RIC8B: variants seen among roughly 807,000 people sequenced by gnomAD.
RIC8B encodes chaperone Ric-8B.
Under a neutral mutation model 57.5 loss-of-function variants are expected in RIC8B, and 16 were observed. The observed-to-expected ratio is 0.28, with a 90% CI of 0.19 to 0.42. The LOEUF (loss-of-function observed/expected upper bound fraction) is 0.42, where lower values mean the gene tolerates loss of function less well. Ranked by LOEUF, RIC8B falls within the 10% of genes least tolerant of loss-of-function variation. The pLI, the probability that RIC8B is intolerant of heterozygous loss-of-function variation, is 1.00. For missense variants in RIC8B, 481 were observed against 677.0 expected (o/e 0.71, Z 3.21); for synonymous variants, 216 against 250.8 (o/e 0.86, Z 1.31).
In RIC8B at chr12:106,825,837, T is replaced by C; in HGVS notation, c.836+17T>C. The C allele has an allele frequency of 6.6e-7, 1 of 1,513,712 alleles. No homozygotes were observed. The highest frequency in any genetic ancestry group is 9.2e-7 in the Non-Finnish European group (1 of 1,088,394). 93.8% of individuals were successfully genotyped at this position (1,513,712 alleles called of 1,614,324 possible). ...GCTACACAGGTGGGTAAGCTCTGTA[T>C]TGATATCCCAATGAAGGACATCATC... is the stretch of plus-strand genomic sequence containing the variant. On this transcript the variant is annotated intron_variant, in intron 4 of 9. Coordinates refer to ENST00000392837, the MANE Select transcript of RIC8B (RefSeq NM_001330145.2).
intron 4 of RIC8B, among the ~76,000 whole-genome samples, chr12:106,834,900 C>T (rs574179991): frequency 8.6e-4 from 120 of 139,496 alleles, no homozygotes; most frequent in Middle Eastern, 7.9e-3. Context: ...AGGAGAATGG[C>T]GTGAACCTGG....
At chr12:106,880,403 T>C (rs1950870709) in intron 9 of RIC8B, among the ~76,000 whole-genome samples, 1 of 152,146 alleles carries the variant, frequency 6.6e-6, no homozygotes. Flanking sequence ...CTCTTGAAAT[T>C]AGTATAGAAT....
chr12:106,869,690 A>G (rs1413783559), intron 8 of RIC8B, among the ~76,000 whole-genome samples: 2 of 152,354 alleles, frequency 1.3e-5, no homozygotes, highest in African/African-American at 2.4e-5. Flanking sequence ...CTCTAATCCC[A>G]GCACTTCAGG....
intron 2 of RIC8B, chr12:106,798,130 A>C: frequency 1.6e-6 from 1 of 645,002 alleles, no homozygotes; most frequent in Non-Finnish European, 2.9e-6. Flanking sequence ...GCCTTATAAC[A>C]CTTAGGCATA....
chr12:106,855,684 T>C (rs1416145917), intron 7 of RIC8B, among the ~76,000 whole-genome samples: 6 of 152,186 alleles, frequency 3.9e-5, no homozygotes, highest in African/African-American at 1.4e-4. Flanking sequence ...ATTTGCTAGC[T>C]CCTGTCCTTG....
At chr12:106,826,933 A>G (rs2136336045) in intron 4 of RIC8B, among the ~76,000 whole-genome samples, 1 of 151,900 alleles carries the variant, frequency 6.6e-6, no homozygotes, top group African/African-American at 2.4e-5. Flanking sequence ...AATTAGCTGG[A>G]TGTGGTGGCG....
chr12:106,812,025 G>T (rs913894429), intron 2 of RIC8B, among the ~76,000 whole-genome samples: 2 of 148,512 alleles, frequency 1.3e-5, no homozygotes, highest in Middle Eastern at 3.4e-3. Flanking sequence ...CATTAAATAT[G>T]TCTATTAAAC....
intron 4 of RIC8B, among the ~76,000 whole-genome samples, chr12:106,838,535 CAA>C (rs34383569): frequency 1.4e-4 from 13 of 94,708 alleles, no homozygotes; most frequent in Admixed American, 3.5e-4. Flanking sequence ...AATACCCTGT[CAA>C]AAAAAAAAAA....
intron 2 of RIC8B, among the ~76,000 whole-genome samples, chr12:106,802,110 T>C (rs2044758546): frequency 6.6e-6 from 1 of 152,252 alleles, no homozygotes; most frequent in Non-Finnish European, 1.5e-5. Flanking sequence ...GAGCCTGCCT[T>C]AACTACAAAA....
chr12:106,834,651 T>C (rs890669824), intron 4 of RIC8B, among the ~76,000 whole-genome samples: 24 of 152,150 alleles, frequency 1.6e-4, no homozygotes. Context: ...TTAGTAAAGC[T>C]TAATTTCTTT....
At chr12:106,872,241 C>T (rs1007495560) in intron 9 of RIC8B, among the ~76,000 whole-genome samples, 1 of 152,120 alleles carries the variant, frequency 6.6e-6, no homozygotes, top group Non-Finnish European at 1.5e-5. Context: ...AGAGAAGATA[C>T]CGATAGGGCA....
At chr12:106,799,794 T>C (rs1280433250) in intron 2 of RIC8B, among the ~76,000 whole-genome samples, 5 of 152,320 alleles carry the variant, frequency 3.3e-5, no homozygotes, top group Admixed American at 1.3e-4. Context: ...TTTGAAGACC[T>C]CTAAAATCAC....
chr12:106,867,377 C>G lies in RIC8B; in HGVS notation c.1452-3446C>G, dbSNP rs1950183746. ...AAGATTGGAGTGCTACAAAATGGGA[C>G]AGAGGAGCAGAGACAAGGTGGAGGA... is the stretch of plus-strand genomic sequence containing the variant. On this transcript the variant is annotated intron_variant, in intron 8 of 9. Coordinates refer to ENST00000392837, the MANE Select transcript of RIC8B (RefSeq NM_001330145.2). This position sits in a 1 kb window ranked among gnomAD's most constrained non-coding sequence, Gnocchi z 4.3. Among the ~76,000 whole-genome samples, 1 of 152,126 alleles carries G rather than the reference C, an allele frequency of 6.6e-6. No individual in the cohort carries two copies. The highest frequency in any genetic ancestry group is 2.4e-5 in the African/African-American group (1 of 41,418).
intron 4 of RIC8B, among the ~76,000 whole-genome samples, chr12:106,829,843 G>C (rs901039248): frequency 6.6e-6 from 1 of 152,116 alleles, no homozygotes; most frequent in African/African-American, 2.4e-5. Flanking sequence ...TTGTCTTAAG[G>C]AATAAGAGAA....
rs1359603300 is a variant in RIC8B, at chr12:106,851,589, A to G, written c.1301A>G (p.Glu434Gly). The G allele has an allele frequency of 6.2e-7, 1 of 1,612,028 alleles. No individual in the cohort carries two copies. The highest frequency in any genetic ancestry group is 8.5e-7 in the Non-Finnish European group (1 of 1,179,790). Residue 434 changes from glutamate (E) to glycine (G), a missense_variant, in exon 7 of 10, where the codon GAG becomes GGG. Physicochemically the swap from Glu to Gly is moderately conservative, Grantham distance 98 (BLOSUM62 -2). Around this residue, in one of 3 missense-constraint regions of RIC8B, gnomAD observed 421 missense variants for 560.9 expected, o/e 0.75. Coordinates refer to ENST00000392837, the MANE Select transcript of RIC8B (RefSeq NM_001330145.2). ...AAEFLFVLCKERVDSLLKYTG... is the reference protein window; with the variant it reads ...AAEFLFVLCKGRVDSLLKYTG... ...GAATTCCTTTTTGTCCTTTGCAAAG[A>G]GAGAGGTAGGTTAAACTCTCTTTGC... is the stretch of plus-strand genomic sequence containing the variant.
At chr12:106,824,547 T>C (rs1011506509) in intron 3 of RIC8B, among the ~76,000 whole-genome samples, 8 of 152,176 alleles carry the variant, frequency 5.3e-5, no homozygotes, top group Non-Finnish European at 1.0e-4. Context: ...ATAGGATGTA[T>C]GTGTATAATT....
intron 3 of RIC8B, 24 bp downstream of exon 3, chr12:106,815,328 G>T (rs1192033086): frequency 1.3e-6 from 2 of 1,565,792 alleles, no homozygotes; most frequent in Non-Finnish European, 1.7e-6. Flanking sequence ...GGCTATTTTT[G>T]TCTACCTGGA....
At chr12:106,825,912 A>C in intron 4 of RIC8B, 92 bp downstream of exon 4, 1 of 821,944 alleles carries the variant, frequency 1.2e-6, no homozygotes, top group Non-Finnish European at 2.1e-6. Flanking sequence ...AAGCACAAGA[A>C]AGTGAAAATA....
Position 106,886,157 on chromosome 12 carries a change from A to T in RIC8B, c.*142A>T. On this transcript the variant is annotated 3_prime_UTR_variant, in exon 10 of 10. Transcript: ENST00000392837. ...GGTTTACTCATTGAGAATCCAGCAT[A>T]TTTAAGAGGTGACCCTGTGTTTTTT... 1 of 631,394 alleles carries T rather than the reference A, an allele frequency of 1.6e-6. No individual in the cohort carries two copies. Among genetic ancestry groups the T allele is most frequent in the South Asian group, 2.0e-5 (1 of 49,422 alleles). The allele number at this position is 631,394 out of a possible 1,614,324, so 39.1% of individuals were successfully genotyped here.
Sources: allele counts gnomAD v4.1 joint callset (sites outside exome capture counted in the v4.1 genomes callset), GRCh38; gene constraint gnomAD v4.1.1; regional missense constraint gnomAD v4.1.1; non-coding constraint Gnocchi (gnomAD v3.1); transcripts MANE v1.5; gene names NCBI Gene and HGNC (gene_info 2026-07-23, HGNC 2026-07-21).